The following SLC30A4 variants were observed in gnomAD, a reference collection of about 807,000 sequenced individuals.
SLC30A4 encodes probable proton-coupled zinc antiporter SLC30A4.
SLC30A4 carries 20 observed loss-of-function variants against 41.7 expected under a neutral mutation model. The ratio of observed to expected loss-of-function variants is 0.48; its 90% CI spans 0.34 to 0.70. The LOEUF is 0.70. SLC30A4 is among the 30% of genes least tolerant of loss of function. The pLI is 0.01. For synonymous variants in SLC30A4, 181 were observed against 195.9 expected, an observed-to-expected ratio of 0.92 and a Z score of 0.64; for missense variants, 441 against 529.3, an observed-to-expected ratio of 0.83 and a Z score of 1.64.
At chr15:45,516,902 G>A (rs1384594936) in intron 2 of SLC30A4, among the ~76,000 whole-genome samples, 2 of 151,958 alleles carry the variant, frequency 1.3e-5, no homozygotes, top group South Asian at 2.1e-4. Flanking sequence ...GGGTGACAGA[G>A]CGAGACTCCA....
At chr15:45,507,039 T>G (rs1892169761) in intron 3 of SLC30A4, among the ~76,000 whole-genome samples, 1 of 152,126 alleles carries the variant, frequency 6.6e-6, no homozygotes, top group Non-Finnish European at 1.5e-5. Flanking sequence ...TAGTAAGGCT[T>G]GGCTGGGGGC....
At chr15:45,506,784 A>G (rs1467503281) in intron 3 of SLC30A4, among the ~76,000 whole-genome samples, 1 of 152,192 alleles carries the variant, frequency 6.6e-6, no homozygotes, top group East Asian at 1.9e-4. Flanking sequence ...CTATCTATCT[A>G]TATCTTTAAC....
intron 2 of SLC30A4, chr15:45,516,039 A>T (rs1481733338): frequency 6.6e-6 from 1 of 152,182 alleles, no homozygotes; most frequent in Non-Finnish European, 1.5e-5. Context: ...TGCTAGGACT[A>T]CAGGCATGAG....
chr15:45,484,649 T>A lies in SLC30A4; in HGVS notation c.*514A>T, dbSNP rs1190580237. On this transcript the variant is annotated 3_prime_UTR_variant, in exon 8 of 8. Coordinates refer to ENST00000261867, the MANE Select transcript of SLC30A4 (RefSeq NM_013309.6). ...CATTTCTGAAACACTTAGGAATACATGCTTATTCCACTTTTGGGATAACTA... is the reference window on the plus strand; with the variant it reads ...CATTTCTGAAACACTTAGGAATACAAGCTTATTCCACTTTTGGGATAACTA... The A allele has an allele frequency of 6.6e-6, 1 of 152,474 alleles. No homozygotes were observed. The highest frequency in any genetic ancestry group is 2.4e-5 in the African/African-American group (1 of 41,470). The allele number at this position is 152,474 out of a possible 1,614,324, so 9.4% of individuals were successfully genotyped here.
At chr15:45,519,926 C>T (rs1892611433) in intron 2 of SLC30A4, among the ~76,000 whole-genome samples, 1 of 152,152 alleles carries the variant, frequency 6.6e-6, no homozygotes, top group African/African-American at 2.4e-5. Context: ...CTGCTGAGAC[C>T]ATGGTGCTTT....
Position 45,488,990 on chromosome 15 carries a change from G to A in SLC30A4, c.745C>T (p.Leu249=), listed in dbSNP as rs1184176076. The A allele has an allele frequency of 1.2e-6, 2 of 1,614,108 alleles. No homozygotes were observed. The highest frequency in any genetic ancestry group is 2.2e-5 in the East Asian group (1 of 44,884). ...SGHRHSHSHS[L]PSNSPTRGSG... ...CCTCTGGTAGGGGAATTTGAAGGCAGGGAGTGGGAATGGGAGTGACGGTGA... is the reference window on the plus strand; with the variant it reads ...CCTCTGGTAGGGGAATTTGAAGGCAAGGAGTGGGAATGGGAGTGACGGTGA... The change falls in exon 5 of 8, where the codon CTG becomes TTG. Residue 249 remains leucine (L), a synonymous_variant. Transcript: ENST00000261867.
intron 3 of SLC30A4, among the ~76,000 whole-genome samples, chr15:45,508,269 C>A (rs1892202316): frequency 6.6e-6 from 1 of 152,174 alleles, no homozygotes; most frequent in African/African-American, 2.4e-5. Flanking sequence ...AACTTCCACA[C>A]TAATTCTTAG....
At chr15:45,521,942 G>A (rs1892680105) in intron 2 of SLC30A4, 22 bp downstream of exon 2, 1 of 1,601,118 alleles carries the variant, frequency 6.2e-7, no homozygotes, top group East Asian at 2.2e-5. Flanking sequence ...TAAACGGAAA[G>A]TGAGTTGGCA....
intron 3 of SLC30A4, among the ~76,000 whole-genome samples, chr15:45,495,628 C>T (rs1156276257): frequency 6.6e-6 from 1 of 152,200 alleles, no homozygotes; most frequent in East Asian, 1.9e-4. Flanking sequence ...GGCAAACCTA[C>T]ATTCAAGATA....
intron 3 of SLC30A4, among the ~76,000 whole-genome samples, chr15:45,498,934 C>A (rs1891959159): frequency 6.6e-6 from 1 of 152,130 alleles, no homozygotes; most frequent in Non-Finnish European, 1.5e-5. Flanking sequence ...AAAATCCCAA[C>A]TACATGGAAT....
In SLC30A4 at chr15:45,487,942, GTGTC is replaced by G. The variant is rs1891737283; in HGVS notation, c.895-314_895-311del. 1.4e-5 allele frequency among the ~76,000 whole-genome samples: 2 copies of G among 142,176 alleles called. 1 individual carries two copies. The highest frequency in any genetic ancestry group is 5.2e-5 in the African/African-American group (2 of 38,568). 93.3% of individuals were successfully genotyped at this position (142,176 alleles called of 152,430 possible). On this transcript the variant is annotated intron_variant, in intron 5 of 7. Coordinates refer to ENST00000261867, the MANE Select transcript of SLC30A4 (RefSeq NM_013309.6). ...TGTGTGTGTGTGTGTGTGTGTGTGTGTGTCAAAGCTGGAAAAAAGTGTGTGTGTG... is the reference window on the plus strand; with the variant it reads ...TGTGTGTGTGTGTGTGTGTGTGTGTGAAAGCTGGAAAAAAGTGTGTGTGTG...
chr15:45,485,190 A>G lies in SLC30A4; in HGVS notation c.1263T>C (p.Cys421=). ...AGGGACTAGAACTCTGACAATTTGC[A>G]CAAGTTCTGTCCACTTCTTGCCTGT... is the stretch of plus-strand genomic sequence containing the variant. The part of the protein sequence containing the change: ...QSYRQEVDRT[C]ANCQSSSP Residue 421 remains cysteine, a synonymous_variant, in exon 8 of 8, where the codon TGT becomes TGC. Coordinates refer to ENST00000261867, the MANE Select transcript of SLC30A4 (RefSeq NM_013309.6). 6.2e-7 allele frequency: 1 copy of G among 1,612,718 alleles called. No individual in the cohort carries two copies. Among genetic ancestry groups the G allele is most frequent in the Non-Finnish European group, 8.5e-7 (1 of 1,179,542 alleles).
intron 3 of SLC30A4, among the ~76,000 whole-genome samples, chr15:45,500,619 T>C (rs1423487911): frequency 4.8e-5 from 1 of 20,876 alleles, no homozygotes; most frequent in Admixed American, 5.2e-4. Flanking sequence ...GGTCTGTCTA[T>C]CTATCTATCT....
At chr15:45,487,401 C>T (rs1017493609) in intron 6 of SLC30A4, 126 bp downstream of exon 6, 8 of 511,424 alleles carry the variant, frequency 1.6e-5, no homozygotes, top group Non-Finnish European at 2.9e-5. Flanking sequence ...ATGTAAGGTA[C>T]TGTTATATAG....
At chr15:45,508,867 C>T (rs1892217876) in intron 3 of SLC30A4, among the ~76,000 whole-genome samples, 2 of 152,152 alleles carry the variant, frequency 1.3e-5, no homozygotes. Flanking sequence ...GTAGAACAAA[C>T]ACTAAGTACT....
At chr15:45,521,064 C>A in intron 2 of SLC30A4, 1 of 450,620 alleles carries the variant, frequency 2.2e-6, no homozygotes, top group Non-Finnish European at 4.5e-6. Context: ...TAGAACCCTC[C>A]AGTCAAACAT....
At chr15:45,493,162 C>A (rs1304187247) in intron 3 of SLC30A4, among the ~76,000 whole-genome samples, 5 of 152,034 alleles carry the variant, frequency 3.3e-5, no homozygotes, top group African/African-American at 1.2e-4. Flanking sequence ...ATCCCAACTC[C>A]TTGGGAGGCT....
At chr15:45,506,707 A>G (rs1196363647) in intron 3 of SLC30A4, among the ~76,000 whole-genome samples, 1 of 152,242 alleles carries the variant, frequency 6.6e-6, no homozygotes, top group Non-Finnish European at 1.5e-5. Context: ...AATACAAAAC[A>G]ACAAAAAAAA....
At chr15:45,506,889 T>A (rs1056346764) in intron 3 of SLC30A4, among the ~76,000 whole-genome samples, 4 of 152,146 alleles carry the variant, frequency 2.6e-5, no homozygotes, top group African/African-American at 9.7e-5. Flanking sequence ...AATTCAGTGG[T>A]TTTCAGTACA....
Sources: allele counts gnomAD v4.1 joint callset (sites outside exome capture counted in the v4.1 genomes callset), GRCh38; gene constraint gnomAD v4.1.1; transcripts MANE v1.5; gene names NCBI Gene and HGNC (gene_info 2026-07-23, HGNC 2026-07-21).